UNC5A: variants seen among roughly 807,000 people sequenced by gnomAD.
UNC5A encodes unc-5 netrin receptor A.
UNC5A carries 20 observed loss-of-function variants against 87.4 expected under a neutral mutation model. The ratio of observed to expected loss-of-function variants is 0.23; its 90% CI spans 0.16 to 0.33. The LOEUF (loss-of-function observed/expected upper bound fraction) is 0.33, where lower values mean the gene tolerates loss of function less well. Among genes scored for constraint, UNC5A ranks in the 10% least tolerant of loss-of-function variants. UNC5A has a pLI of 1.00. For missense variants in UNC5A, 844 were observed against 1,133.4 expected, an observed-to-expected ratio of 0.74 and a Z score of 3.67; for synonymous variants, 438 against 482.3, an observed-to-expected ratio of 0.91 and a Z score of 1.20.
intron 1 of UNC5A, among the ~76,000 whole-genome samples, chr5:176,822,356 G>A (rs1160708181): frequency 6.6e-6 from 1 of 152,248 alleles, no homozygotes; most frequent in Admixed American, 6.5e-5. Flanking sequence ...AGGGCCTGCA[G>A]GCCTGGAATC....
chr5:176,841,027 A>T lies in UNC5A; in HGVS notation c.71-21597A>T, dbSNP rs1428612012. Among the ~76,000 whole-genome samples, 2 of 152,176 alleles carry T rather than the reference A, an allele frequency of 1.3e-5. No individual in the cohort carries two copies. The highest frequency in any genetic ancestry group is 2.9e-5 in the Non-Finnish European group (2 of 68,034). ...CCACCTCCTTCACCGGAGAAGGGGGATGAACCACTCCGCGCTGAATGGAGG... is the reference window on the plus strand; with the variant it reads ...CCACCTCCTTCACCGGAGAAGGGGGTTGAACCACTCCGCGCTGAATGGAGG... On this transcript the variant is annotated intron_variant, in intron 1 of 14. Transcript: ENST00000329542. The surrounding 1 kb of genome is among the most constrained non-coding windows in gnomAD (Gnocchi z 4.1).
chr5:176,835,807 CCTGT>C (rs1757138636), intron 1 of UNC5A, among the ~76,000 whole-genome samples: 1 of 151,134 alleles, frequency 6.6e-6, no homozygotes, highest in African/African-American at 2.4e-5. Context: ...GTGTAGGTCT[CCTGT>C]CTAAGTGTCT....
Position 176,879,844 on chromosome 5 carries a change from G to C in UNC5A, c.2487G>C (p.Gln829His). 1.2e-6 allele frequency: 2 copies of C among 1,612,526 alleles called. No homozygotes were observed. Among genetic ancestry groups the C allele is most frequent in the Non-Finnish European group, 1.7e-6 (2 of 1,179,812 alleles). ...QLAAAVAGLG[Q>H]PDAGLFTVSE... ...CTGCAGCAGTGGCTGGACTGGGCCA[G>C]CCAGACGCTGGCCTCTTCACAGTGT... Residue 829 changes from glutamine (Q) to histidine (H), a missense_variant, in exon 15 of 15, where the codon CAG becomes CAC. Physicochemically the swap from Gln to His is conservative, Grantham distance 24 (BLOSUM62 0). Around this residue, in one of 3 missense-constraint regions of UNC5A, gnomAD observed 177 missense variants for 279.4 expected, o/e 0.63. Transcript: ENST00000329542.
At position 176,869,100 on chromosome 5, in the gene UNC5A, G is replaced by A. The variant is rs989019875; in HGVS notation, c.721+136G>A. Reference sequence around the variant, plus strand: ...GATCGTGCCTGACTAGGCAGGATAAGCAAAGGGCTCTCTGTGACTGCTGGG... The same window carrying A: ...GATCGTGCCTGACTAGGCAGGATAAACAAAGGGCTCTCTGTGACTGCTGGG... On this transcript the variant is annotated intron_variant, in intron 5 of 14. Coordinates refer to ENST00000329542, the MANE Select transcript of UNC5A (RefSeq NM_133369.3). This position sits in a 1 kb window ranked among gnomAD's most constrained non-coding sequence, Gnocchi z 9.1. 2 of 1,010,248 alleles carry A rather than the reference G, an allele frequency of 2.0e-6. No individual in the cohort carries two copies. The highest frequency in any genetic ancestry group is 2.7e-5 in the East Asian group (1 of 37,698). The allele number at this position is 1,010,248 out of a possible 1,614,324, so 62.6% of individuals were successfully genotyped here.
At chr5:176,817,428 G>A (rs1440570443) in intron 1 of UNC5A, among the ~76,000 whole-genome samples, 1 of 152,194 alleles carries the variant, frequency 6.6e-6, no homozygotes, top group East Asian at 1.9e-4. Context: ...CAGGCCAGCA[G>A]GTCCACTGGA....
chr5:176,840,807 G>C (rs987488538), intron 1 of UNC5A, among the ~76,000 whole-genome samples: 8 of 152,256 alleles, frequency 5.3e-5, no homozygotes, highest in Non-Finnish European at 1.0e-4. Context: ...ACGACAGGGA[G>C]ACCTGCCCCC....
In UNC5A at chr5:176,844,494, G is replaced by A. The variant is rs1272825247; in HGVS notation, c.71-18130G>A. Among the ~76,000 whole-genome samples the A allele has an allele frequency of 1.3e-5, 2 of 152,176 alleles. No individual in the cohort carries two copies. The highest frequency in any genetic ancestry group is 6.5e-5 in the Admixed American group (1 of 15,288). On this transcript the variant is annotated intron_variant, in intron 1 of 14. Coordinates refer to ENST00000329542, the MANE Select transcript of UNC5A (RefSeq NM_133369.3). The surrounding 1 kb of genome is among the most constrained non-coding windows in gnomAD (Gnocchi z 4.2). ...GGGATGATATGAGCTGGCCGTGGGC[G>A]CCCACTGCATACAGCAGGTTGGTGA...
At chr5:176,835,046 C>G (rs1357149530) in intron 1 of UNC5A, among the ~76,000 whole-genome samples, 5 of 152,256 alleles carry the variant, frequency 3.3e-5, no homozygotes, top group African/African-American at 1.2e-4. Flanking sequence ...TCCATGAAAG[C>G]ATTCAGAAAC....
intron 6 of UNC5A, 78 bp from the exon 7 acceptor site, chr5:176,873,890 C>T (rs965364587): frequency 2.0e-6 from 3 of 1,504,050 alleles, no homozygotes; most frequent in Non-Finnish European, 2.7e-6. Flanking sequence ...CCTCATCCTC[C>T]TGGGGTGCAG....
intron 1 of UNC5A, among the ~76,000 whole-genome samples, chr5:176,861,176 G>T (rs368366396): frequency 1.3e-5 from 2 of 152,238 alleles, no homozygotes; most frequent in African/African-American, 4.8e-5. Flanking sequence ...CTGAGGGGGT[G>T]CAGCCCTTTG....
At chr5:176,846,996 C>T (rs924694389) in intron 1 of UNC5A, among the ~76,000 whole-genome samples, 1 of 152,180 alleles carries the variant, frequency 6.6e-6, no homozygotes, top group Non-Finnish European at 1.5e-5. Context: ...AGAGCTTCCA[C>T]AGGGAGCGCC....
rs191301084 is a variant in UNC5A, at chr5:176,862,866, G to C, written c.292+21G>C. The stretch of plus-strand genomic sequence containing the variant: ...CAGTGGTGAGCCGCATGGGGCGCCA[G>C]GCAGGGCCAATCCGGGGGAGGCGAG... On this transcript the variant is annotated intron_variant, in intron 2 of 14. Coordinates refer to ENST00000329542, the MANE Select transcript of UNC5A (RefSeq NM_133369.3). 6.8e-4 allele frequency: 1,096 copies of C among 1,611,286 alleles called. 9 individuals carry two copies. The African/African-American group carries it at 0.013, about 19-fold the overall frequency.
chr5:176,825,815 G>A (rs1181303630), intron 1 of UNC5A, among the ~76,000 whole-genome samples: 1 of 152,168 alleles, frequency 6.6e-6, no homozygotes, highest in Non-Finnish European at 1.5e-5. Flanking sequence ...GAGGGACAAA[G>A]CTAGGTGACA....
At chr5:176,828,072 C>T (rs1285351194) in intron 1 of UNC5A, among the ~76,000 whole-genome samples, 1 of 152,090 alleles carries the variant, frequency 6.6e-6, no homozygotes, top group Non-Finnish European at 1.5e-5. Context: ...CTTTTGTCCT[C>T]CTTCCCCCTC....
In UNC5A at chr5:176,873,956, T is replaced by G; in HGVS notation, c.887-12T>G. Reference sequence around the variant, plus strand: ...ACCCCTGCCCCCACCAAGGCCATGCTGTCTCCCGCAGCTGCTTCTGGCCCT... The same window carrying G: ...ACCCCTGCCCCCACCAAGGCCATGCGGTCTCCCGCAGCTGCTTCTGGCCCT... On this transcript the variant is annotated splice_polypyrimidine_tract_variant and intron_variant, in intron 6 of 14. Transcript: ENST00000329542. 6.2e-7 allele frequency: 1 copy of G among 1,610,916 alleles called. No homozygotes were observed. Among genetic ancestry groups the G allele is most frequent in the Admixed American group, 1.7e-5 (1 of 59,968 alleles).
chr5:176,847,187 G>T (rs1757430176), intron 1 of UNC5A, among the ~76,000 whole-genome samples: 1 of 152,222 alleles, frequency 6.6e-6, no homozygotes, highest in Admixed American at 6.5e-5. Context: ...CTGGAGCCAG[G>T]CCCTGGTGGT....
chr5:176,827,387 T>C (rs1756882065), intron 1 of UNC5A, among the ~76,000 whole-genome samples: 1 of 151,978 alleles, frequency 6.6e-6, no homozygotes, highest in South Asian at 2.1e-4. Flanking sequence ...TTCACCATGT[T>C]GGCCAGGCTG....
In UNC5A at chr5:176,864,433, C is replaced by G. The variant is rs1183558764; in HGVS notation, c.292+1588C>G. On this transcript the variant is annotated intron_variant, in intron 2 of 14. Coordinates refer to ENST00000329542, the MANE Select transcript of UNC5A (RefSeq NM_133369.3). ...CAGGGAGACTGGAGGAGGGCAAGGC[C>G]CCTGCCAGGGAGAACGGTTTGGAAG... 3.3e-5 allele frequency among the ~76,000 whole-genome samples: 5 copies of G among 152,186 alleles called. No homozygotes were observed. In the South Asian group the frequency reaches 6.2e-4, roughly 19 times the overall value.
intron 1 of UNC5A, among the ~76,000 whole-genome samples, chr5:176,813,453 G>T (rs867161265): frequency 1.3e-5 from 2 of 152,204 alleles, no homozygotes; most frequent in African/African-American, 2.4e-5. Flanking sequence ...GGCTGAGGGG[G>T]TCTTAATCCT....
Sources: gnomAD v4.1 joint callset for allele counts (sites outside exome capture counted in the v4.1 genomes callset) on GRCh38, gnomAD v4.1.1 for gene constraint, gnomAD v4.1.1 regional missense constraint, Gnocchi (gnomAD v3.1) non-coding constraint, MANE v1.5 for transcripts, NCBI Gene and HGNC (gene_info 2026-07-23, HGNC 2026-07-21) for gene names.